SORCS1: variants seen among roughly 807,000 people sequenced by gnomAD.
SORCS1 encodes the protein sortilin related VPS10 domain containing receptor 1.
Under a neutral mutation model 146.1 loss-of-function variants are expected in SORCS1, and 60 were observed. The observed-to-expected ratio is 0.41, with a 90% CI of 0.33 to 0.51. SORCS1 has a LOEUF of 0.51. Ranked by LOEUF, SORCS1 falls within the 20% of genes least tolerant of loss-of-function variation. The pLI, the probability that SORCS1 is intolerant of heterozygous loss-of-function variation, is 0.21. For synonymous variants in SORCS1, 637 were observed against 584.0 expected, an observed-to-expected ratio of 1.09 and a Z score of -1.31; for missense variants, 1,352 against 1,487.6, an observed-to-expected ratio of 0.91 and a Z score of 1.50.
Position 107,066,784 on chromosome 10 carries a change from C to T in SORCS1, c.558+97185G>A, listed in dbSNP as rs563127435. Among the ~76,000 whole-genome samples, 12 of 152,182 alleles carry T rather than the reference C, an allele frequency of 7.9e-5. No individual in the cohort carries two copies. The East Asian group carries it at 2.3e-3, about 29-fold the overall frequency. On this transcript the variant is annotated intron_variant, in intron 1 of 25. Transcript: ENST00000263054. The stretch of plus-strand genomic sequence containing the variant: ...AAGGAGGGAGAATAAATAGTGTGTT[C>T]CCAACCATATAAATGGAAGGAAAGG...
intron 1 of SORCS1, among the ~76,000 whole-genome samples, chr10:107,058,598 T>C (rs1960875357): frequency 6.6e-6 from 1 of 152,252 alleles, no homozygotes; most frequent in Non-Finnish European, 1.5e-5. Flanking sequence ...ATCCCAGCCC[T>C]GTCACCCATC....
intron 5 of SORCS1, among the ~76,000 whole-genome samples, chr10:106,730,402 ACT>A (rs1316511108): frequency 6.6e-6 from 1 of 152,190 alleles, no homozygotes; most frequent in Admixed American, 6.5e-5. Flanking sequence ...TTGGGTGTGT[ACT>A]CTTGCAACAA....
chr10:106,698,660 G>T (rs1750158848), intron 9 of SORCS1, among the ~76,000 whole-genome samples: 1 of 152,126 alleles, frequency 6.6e-6, no homozygotes, highest in Non-Finnish European at 1.5e-5. Context: ...TGTTGTAGTT[G>T]TTTATTTTAT....
chr10:106,797,994 T>C (rs1191909791), intron 3 of SORCS1, among the ~76,000 whole-genome samples: 4 of 152,240 alleles, frequency 2.6e-5, no homozygotes, highest in East Asian at 1.9e-4. Context: ...GGTACTGATA[T>C]GGTTTGGCTG....
the SORCS1 span, among the ~76,000 whole-genome samples, chr10:107,179,239 C>A: frequency 6.6e-6 from 1 of 152,004 alleles, no homozygotes. Flanking sequence ...TTTTCATATA[C>A]CTGTTGGTAT....
intron 2 of SORCS1, among the ~76,000 whole-genome samples, chr10:106,942,107 G>T (rs990477602): frequency 6.6e-6 from 1 of 152,180 alleles, no homozygotes; most frequent in African/African-American, 2.4e-5. Context: ...TTTATAAAAG[G>T]CTTTTCTGAT....
chr10:106,710,432 GAAAAA>G (rs33978828), intron 6 of SORCS1, among the ~76,000 whole-genome samples: 3 of 126,834 alleles, frequency 2.4e-5, no homozygotes, highest in Non-Finnish European at 3.2e-5. Flanking sequence ...TGGGTGACAG[GAAAAA>G]AAAAAAAAAA....
chr10:107,094,047 C>T (rs560165256), intron 1 of SORCS1, among the ~76,000 whole-genome samples: 1 of 152,282 alleles, frequency 6.6e-6, no homozygotes, highest in South Asian at 2.1e-4. Flanking sequence ...CCCCACTTCT[C>T]CCAGACTTTC....
intron 1 of SORCS1, among the ~76,000 whole-genome samples, chr10:107,130,551 C>T (rs1245252155): frequency 1.3e-5 from 2 of 152,202 alleles, no homozygotes; most frequent in African/African-American, 2.4e-5. Context: ...ATCGTAACAA[C>T]GGCCTCACAT....
intron 2 of SORCS1, among the ~76,000 whole-genome samples, chr10:106,929,856 A>G (rs1189672423): frequency 6.6e-6 from 1 of 152,212 alleles, no homozygotes; most frequent in Non-Finnish European, 1.5e-5. Context: ...AAATAAATGG[A>G]GTATGGTCAT....
rs1269742666 is a variant in SORCS1 at position 106,995,787 on chromosome 10, T to A, written c.559-39207A>T. ...AATAATACAATGCTAAGTGATAATTTAAAAAAAAACAAAATCATGATTTTC... is the reference window on the plus strand; with the variant it reads ...AATAATACAATGCTAAGTGATAATTAAAAAAAAAACAAAATCATGATTTTC... On this transcript the variant is annotated intron_variant, in intron 1 of 25. Coordinates refer to ENST00000263054, the MANE Select transcript of SORCS1 (RefSeq NM_052918.5). Among the ~76,000 whole-genome samples the A allele has an allele frequency of 3.3e-5, 5 of 150,836 alleles. No individual in the cohort carries two copies. The South Asian group carries it at 6.3e-4, about 19-fold the overall frequency.
chr10:106,777,586 G>A (rs781772126), intron 3 of SORCS1, among the ~76,000 whole-genome samples: 5 of 152,222 alleles, frequency 3.3e-5, no homozygotes, highest in African/African-American at 4.8e-5. Flanking sequence ...CACCACAGAA[G>A]AAGCTATAAA....
intron 24 of SORCS1, among the ~76,000 whole-genome samples, chr10:106,582,354 C>G (rs1844973108): frequency 6.6e-6 from 1 of 152,194 alleles, no homozygotes; most frequent in Admixed American, 6.5e-5. Context: ...TTCACCCTCC[C>G]CATCTCTGCA....
chr10:107,032,048 G>T (rs1250847157), intron 1 of SORCS1, among the ~76,000 whole-genome samples: 1 of 152,126 alleles, frequency 6.6e-6, no homozygotes, highest in Non-Finnish European at 1.5e-5. Flanking sequence ...CTCAGTGGTA[G>T]CATTTGCAAC....
At chr10:106,952,045 A>G (rs947868098) in intron 2 of SORCS1, among the ~76,000 whole-genome samples, 1 of 152,156 alleles carries the variant, frequency 6.6e-6, no homozygotes, top group African/African-American at 2.4e-5. Flanking sequence ...CATTCAGACA[A>G]TGAGATGCCA....
At chr10:106,709,113 C>T in intron 7 of SORCS1, 110 bp downstream of exon 7, 2 of 759,784 alleles carry the variant, frequency 2.6e-6, no homozygotes, top group Non-Finnish European at 4.5e-6. Flanking sequence ...TCCTTCCCTC[C>T]CTCCCATCCT....
At chr10:106,872,606 G>T (rs1950452557) in intron 2 of SORCS1, among the ~76,000 whole-genome samples, 3 of 152,108 alleles carry the variant, frequency 2.0e-5, no homozygotes, top group Non-Finnish European at 4.4e-5. Flanking sequence ...AAGAATGTTG[G>T]AAAAGTTAAA....
chr10:106,776,449 A>T, intron 4 of SORCS1, 85 bp downstream of exon 4: 1 of 1,528,144 alleles, frequency 6.5e-7, no homozygotes, highest in East Asian at 2.3e-5. Context: ...ATGATCACTG[A>T]GGTGAAATGG....
chr10:106,950,638 A>T (rs1954632049), intron 2 of SORCS1, among the ~76,000 whole-genome samples: 1 of 151,776 alleles, frequency 6.6e-6, no homozygotes, highest in African/African-American at 2.4e-5. Context: ...ACATATATAG[A>T]TATTATATAA....
Sources: allele counts gnomAD v4.1 joint callset (sites outside exome capture counted in the v4.1 genomes callset), GRCh38; gene constraint gnomAD v4.1.1; transcripts MANE v1.5; gene names NCBI Gene and HGNC (gene_info 2026-07-23, HGNC 2026-07-21).